GPHN: variants seen among roughly 807,000 people sequenced by gnomAD.
GPHN encodes the protein gephyrin.
In GPHN, 17 loss-of-function variants were observed where a neutral mutation model predicts 95.5. That is an observed-to-expected ratio of 0.18 (90% CI 0.12 to 0.27). The LOEUF is 0.27. Among genes scored for constraint, GPHN ranks in the 10% least tolerant of loss-of-function variants. GPHN has a pLI of 1.00. For synonymous variants in GPHN, 320 were observed against 322.5 expected (o/e 0.99, Z 0.08); for missense variants, 660 against 978.1 (o/e 0.67, Z 4.34).
At chr14:66,810,937 T>C (rs74057846) in intron 3 of GPHN, among the ~76,000 whole-genome samples, 2,744 of 152,262 alleles carry the variant, frequency 0.018, 99 homozygotes, top group African/African-American at 0.063. Flanking sequence ...TGCCTTACAG[T>C]CAGAAAATTT....
chr14:66,747,240 T>A, intron 2 of GPHN, among the ~76,000 whole-genome samples: 1 of 152,298 alleles, frequency 6.6e-6, no homozygotes, highest in East Asian at 1.9e-4. Context: ...CTGGTCTTAT[T>A]TCATCTTACT....
At chr14:66,713,315 G>A (rs1191904105) in intron 2 of GPHN, among the ~76,000 whole-genome samples, 1 of 152,176 alleles carries the variant, frequency 6.6e-6, no homozygotes, top group Non-Finnish European at 1.5e-5. Flanking sequence ...TTTTGTGTAA[G>A]GTGAGAGATG....
intron 1 of GPHN, among the ~76,000 whole-genome samples, chr14:66,583,307 T>C (rs569830472): frequency 1.3e-5 from 2 of 152,334 alleles, no homozygotes; most frequent in African/African-American, 4.8e-5. Context: ...ATAAGCAGGT[T>C]GCAAAAATTT....
the GPHN span, among the ~76,000 whole-genome samples, chr14:67,323,255 G>A: frequency 7.5e-6 from 1 of 133,906 alleles, no homozygotes; most frequent in Admixed American, 8.0e-5. Context: ...GTGTGTGTGT[G>A]TGTGTGTATA....
At chr14:67,196,185 G>C in the GPHN span, among the ~76,000 whole-genome samples, 21 of 151,626 alleles carry the variant, frequency 1.4e-4, no homozygotes, top group African/African-American at 4.8e-4. Context: ...TCATACTGGA[G>C]CTTTCTTTTT....
At chr14:67,456,430 G>A in the GPHN span, among the ~76,000 whole-genome samples, 1 of 151,902 alleles carries the variant, frequency 6.6e-6, no homozygotes, top group African/African-American at 2.4e-5. Context: ...GTGAAACCCC[G>A]TCTCTACTAA....
chr14:66,792,404 T>C (rs1040044588), intron 3 of GPHN, among the ~76,000 whole-genome samples: 8 of 151,328 alleles, frequency 5.3e-5, no homozygotes, highest in African/African-American at 1.7e-4. Context: ...TTCTAGCTAC[T>C]CAAGAGGCTG....
At chr14:67,308,234 T>TTA in the GPHN span, among the ~76,000 whole-genome samples, 1 of 138,898 alleles carries the variant, frequency 7.2e-6, no homozygotes, top group East Asian at 2.0e-4. Context: ...CTTAACAGTT[T>TTA]AAAAAAAAAA....
At chr14:67,549,114 G>A in the GPHN span, among the ~76,000 whole-genome samples, 1 of 152,188 alleles carries the variant, frequency 6.6e-6, no homozygotes, top group Admixed American at 6.5e-5. Context: ...ATACAAGGAT[G>A]AGTTGGAAGT....
chr14:66,779,476 ATAAG>A (rs1338743902), intron 3 of GPHN, among the ~76,000 whole-genome samples: 3 of 152,140 alleles, frequency 2.0e-5, no homozygotes, highest in Non-Finnish European at 2.9e-5. Context: ...ATATATATAA[ATAAG>A]CAACATTTAT....
chr14:67,128,814 A>G (rs1045710538), intron 17 of GPHN, among the ~76,000 whole-genome samples: 2 of 149,320 alleles, frequency 1.3e-5, no homozygotes, highest in Non-Finnish European at 3.0e-5. Flanking sequence ...GGGCGCTTCT[A>G]ATTTTTTTTT....
chr14:66,663,226 G>C (rs1159074831), intron 1 of GPHN, among the ~76,000 whole-genome samples: 1 of 152,174 alleles, frequency 6.6e-6, no homozygotes, highest in Non-Finnish European at 1.5e-5. Flanking sequence ...CAGCCAGAGA[G>C]AAAGGCCAGG....
intron 10 of GPHN, among the ~76,000 whole-genome samples, chr14:67,057,416 G>GA (rs1217171356): frequency 1.3e-5 from 2 of 151,054 alleles, no homozygotes; most frequent in African/African-American, 4.9e-5. Flanking sequence ...ATGGGTGGGG[G>GA]GGGCAACAGC....
At chr14:66,837,076 C>A (rs1353375422) in intron 4 of GPHN, among the ~76,000 whole-genome samples, 1 of 150,790 alleles carries the variant, frequency 6.6e-6, no homozygotes, top group Non-Finnish European at 1.5e-5. Flanking sequence ...CCATTTGACC[C>A]AGCCATCCCA....
At chr14:67,488,113 G>A in the GPHN span, among the ~76,000 whole-genome samples, 6 of 152,230 alleles carry the variant, frequency 3.9e-5, no homozygotes, top group Non-Finnish European at 5.9e-5. Flanking sequence ...CAGCCACTCA[G>A]AAGCTGAGAA....
chr14:67,113,353 C>T (rs1464117185), intron 16 of GPHN, among the ~76,000 whole-genome samples, 182 bp downstream of exon 16: 1 of 152,046 alleles, frequency 6.6e-6, no homozygotes, highest in Admixed American at 6.6e-5. Flanking sequence ...AATATGAGAA[C>T]AAAGAAGAAC....
intron 2 of GPHN, among the ~76,000 whole-genome samples, chr14:66,745,404 T>C (rs2058101792): frequency 1.3e-5 from 2 of 152,098 alleles, no homozygotes; most frequent in South Asian, 4.1e-4. Context: ...CGTACTCTTA[T>C]CATATGCTGG....
At chr14:66,943,915 T>C (rs886911429) in intron 8 of GPHN, among the ~76,000 whole-genome samples, 1 of 152,158 alleles carries the variant, frequency 6.6e-6, no homozygotes, top group Non-Finnish European at 1.5e-5. Context: ...AAAACAGATT[T>C]TCAGAGGGAT....
the GPHN span, chr14:67,599,989 C>T: frequency 6.5e-7 from 1 of 1,526,844 alleles, no homozygotes; most frequent in Non-Finnish European, 8.8e-7. Flanking sequence ...CGAACCCCCT[C>T]CTTCGAGCGC....
Sources: gnomAD v4.1 joint callset for allele counts (sites outside exome capture counted in the v4.1 genomes callset) on GRCh38, gnomAD v4.1.1 for gene constraint, MANE v1.5 for transcripts, NCBI Gene and HGNC (gene_info 2026-07-23, HGNC 2026-07-21) for gene names.